COX11: variants seen among roughly 807,000 people sequenced by gnomAD.
The protein encoded by COX11 is cytochrome c oxidase assembly protein COX11, mitochondrial.
Under a neutral mutation model 29.4 loss-of-function variants are expected in COX11, and 18 were observed. The observed-to-expected ratio is 0.61, with a 90% CI of 0.42 to 0.91. The LOEUF is 0.91. COX11 is among the 40% of genes least tolerant of loss of function. The pLI is 0.00. For missense variants in COX11, 312 were observed against 346.0 expected, an observed-to-expected ratio of 0.90 and a Z score of 0.78; for synonymous variants, 131 against 124.0, an observed-to-expected ratio of 1.06 and a Z score of -0.38.
At chr17:54,964,129 CAATT>C (rs766580668) in intron 2 of COX11, among the ~76,000 whole-genome samples, 8 of 152,104 alleles carry the variant, frequency 5.3e-5, no homozygotes, top group Non-Finnish European at 1.0e-4. Context: ...GGCTAATCCT[CAATT>C]AATGAGATTT....
intron 2 of COX11, among the ~76,000 whole-genome samples, chr17:54,964,184 A>G: frequency 6.6e-6 from 1 of 152,182 alleles, no homozygotes. Flanking sequence ...ATTTTAGGAA[A>G]GCGTTTAGGT....
downstream of COX11, among the ~76,000 whole-genome samples, chr17:54,956,213 C>T (rs577340272): frequency 2.6e-5 from 4 of 152,272 alleles, no homozygotes; most frequent in South Asian, 4.1e-4. Flanking sequence ...GGCATGATCA[C>T]GGCTTACTGC....
In COX11 at chr17:54,968,639, C is replaced by A. The variant is rs994161444; in HGVS notation, c.8G>T (p.Gly3Val). 3.1e-6 allele frequency: 5 copies of A among 1,611,758 alleles called. No individual in the cohort carries two copies. The South Asian group carries it at 5.5e-5, about 18-fold the overall frequency. MGGLWRPGWRCVP... is the reference protein window; with the variant it reads MGVLWRPGWRCVP... ...GCACCTCCATCCAGGACGCCAGAGC[C>A]CTCCCATAACCCTCTGAACTAACAC... Residue 3 changes from glycine (G) to valine (V), a missense_variant, in exon 1 of 4, where the codon GGG becomes GTG. Transcript: ENST00000299335.
At chr17:54,963,028 A>G (rs758304825) in intron 3 of COX11, 113 bp from the exon 4 acceptor site, 5 of 896,840 alleles carry the variant, frequency 5.6e-6, no homozygotes, top group Non-Finnish European at 8.5e-6. Flanking sequence ...TAATAAGCAT[A>G]CTATTAAATA....
Position 54,964,807 on chromosome 17 carries a change from T to C in COX11, c.412A>G (p.Lys138Glu). 1 of 1,613,526 alleles carries C rather than the reference T, an allele frequency of 6.2e-7. No homozygotes were observed. Among genetic ancestry groups the C allele is most frequent in the Non-Finnish European group, 8.5e-7 (1 of 1,179,958 alleles). Reference protein sequence around the residue: ...GSAVAGHASDKIENMVPVKDR... With the variant: ...GSAVAGHASDEIENMVPVKDR... ...TTAACAGGCACCATGTTTTCAATCTTGTCTGAGGCATGACCTGCAACTGCT... is the reference window on the plus strand; with the variant it reads ...TTAACAGGCACCATGTTTTCAATCTCGTCTGAGGCATGACCTGCAACTGCT... The change falls in exon 2 of 4, where the codon AAG (lysine) becomes GAG (glutamate). Residue 138 changes from lysine to glutamate, a missense_variant. This residue lies in a region of COX11 where 182 missense variants were observed against 240.0 expected (regional missense o/e 0.76). Transcript: ENST00000299335.
intron 3 of COX11, 25 bp from the exon 4 acceptor site, chr17:54,962,940 TAAC>T (rs1363156469): frequency 1.5e-5 from 24 of 1,570,148 alleles, no homozygotes; most frequent in African/African-American, 2.7e-5. Flanking sequence ...AAGATTTTAA[TAAC>T]ATTTCTATTC....
downstream of COX11, chr17:54,957,878 G>T (rs1485940415): frequency 1.3e-5 from 2 of 152,174 alleles, no homozygotes; most frequent in Non-Finnish European, 2.9e-5. Flanking sequence ...GTTAAACGTA[G>T]TATGGATACA....
At chr17:54,955,370 C>T (rs536260043), upstream of COX11, among the ~76,000 whole-genome samples, 5 of 152,286 alleles carry the variant, frequency 3.3e-5, no homozygotes, top group Admixed American at 2.0e-4. Context: ...AAAGCACACA[C>T]ACTGTTCATG....
rs746516156 is a variant in COX11 at position 54,962,700 on chromosome 17, T to C, written c.*33A>G. 11 of 1,598,502 alleles carry C rather than the reference T, an allele frequency of 6.9e-6. No individual in the cohort carries two copies. The South Asian group carries it at 1.0e-4, about 15-fold the overall frequency. On this transcript the variant is annotated 3_prime_UTR_variant, in exon 4 of 4. Coordinates refer to ENST00000299335, the MANE Select transcript of COX11 (RefSeq NM_004375.5). ...ATAGGATATATGATTTTCCCAAAAA[T>C]CACAACTTTGAAGGAAGACTTAGTT... is the stretch of plus-strand genomic sequence containing the variant.
chr17:54,965,968 G>A (rs1283876150), intron 1 of COX11, among the ~76,000 whole-genome samples: 1 of 152,190 alleles, frequency 6.6e-6, no homozygotes, highest in African/African-American at 2.4e-5. Flanking sequence ...GAGGCTAGGG[G>A]AAGACTCCCA....
chr17:54,956,146 GTTATTA>G (rs750658631), downstream of COX11, among the ~76,000 whole-genome samples: 1 of 152,096 alleles, frequency 6.6e-6, no homozygotes, highest in Non-Finnish European at 1.5e-5. Flanking sequence ...GAGAACACAG[GTTATTA>G]TTATTTTTTC....
chr17:54,959,154 T>C (rs1298992792), downstream of COX11: 4 of 152,184 alleles, frequency 2.6e-5, no homozygotes, highest in African/African-American at 9.6e-5. Flanking sequence ...TAGGGAAACA[T>C]TAAAATTGTA....
chr17:54,967,952 G>T (rs141526232), intron 1 of COX11, among the ~76,000 whole-genome samples: 1 of 150,468 alleles, frequency 6.6e-6, no homozygotes, highest in African/African-American at 2.4e-5. Context: ...GTGTGCGCAG[G>T]AGGGTAAGGC....
At chr17:54,953,195 A>C (rs1055956352) in exon 1 of COX11, 2 of 151,976 alleles carry the variant, frequency 1.3e-5, no homozygotes, top group African/African-American at 4.8e-5. Context: ...CCCTGACAGC[A>C]TAACGAGACC....
chr17:54,955,867 G>T (rs747780613), downstream of COX11, among the ~76,000 whole-genome samples: 1 of 152,172 alleles, frequency 6.6e-6, no homozygotes, highest in African/African-American at 2.4e-5. Flanking sequence ...CTAGGCAGCC[G>T]CTTCTACTCT....
exon 1 of COX11, chr17:54,954,441 A>G (rs2049389517): frequency 6.6e-6 from 1 of 152,236 alleles, no homozygotes; most frequent in South Asian, 2.1e-4. Context: ...CGTTCCCACT[A>G]TGAGTGGTGC....
rs2144127559 is a variant in COX11 at position 54,962,059 on chromosome 17, T to C, written c.*674A>G. On this transcript the variant is annotated 3_prime_UTR_variant, in exon 4 of 4. Coordinates refer to ENST00000299335, the MANE Select transcript of COX11 (RefSeq NM_004375.5). ...GTACATTTTAACATTCATGGACTTG[T>C]AATGGTGATGCTTTGGCTAACAGCC... 1 of 984,134 alleles carries C rather than the reference T, an allele frequency of 1.0e-6. No homozygotes were observed. Among genetic ancestry groups the C allele is most frequent in the East Asian group, 1.1e-4 (1 of 8,812 alleles). 61.0% of individuals were successfully genotyped at this position (984,134 alleles called of 1,614,324 possible).
At position 54,963,413 on chromosome 17, in the gene COX11, C is replaced by T. The variant is rs775771817; in HGVS notation, c.541G>A (p.Ala181Thr). 9 of 1,611,294 alleles carry T rather than the reference C, an allele frequency of 5.6e-6. No individual in the cohort carries two copies. The South Asian group carries it at 9.9e-5, about 18-fold the overall frequency. The change falls in exon 3 of 4, where the codon GCA (alanine) becomes ACA (threonine). Residue 181 changes from alanine (A) to threonine (T), a missense_variant. Around this residue, in one of 2 missense-constraint regions of COX11, gnomAD observed 182 missense variants for 240.0 expected, o/e 0.76. Coordinates refer to ENST00000299335, the MANE Select transcript of COX11 (RefSeq NM_004375.5). The stretch of plus-strand genomic sequence containing the variant: ...TTCTTAGCTCTGTAAAACGCCAGTG[C>T]AGTCTCTCCTGGCACCACCTGTTTT... ...TEIYVVPGET[A>T]LAFYRAKNPT...
At chr17:54,955,609 T>C (rs1450170339), downstream of COX11, among the ~76,000 whole-genome samples, 1 of 152,002 alleles carries the variant, frequency 6.6e-6, no homozygotes, top group Non-Finnish European at 1.5e-5. Flanking sequence ...TTATACCACG[T>C]AGGGAACAAA....
Sources: gnomAD v4.1 joint callset for allele counts (sites outside exome capture counted in the v4.1 genomes callset) on GRCh38, gnomAD v4.1.1 for gene constraint, gnomAD v4.1.1 regional missense constraint, MANE v1.5 for transcripts, NCBI Gene and HGNC (gene_info 2026-07-23, HGNC 2026-07-21) for gene names.